The following XKR4 variants were observed in gnomAD, a reference collection of about 807,000 sequenced individuals.
The protein encoded by XKR4 is XK related 4, also known as XK-related protein 4.
Under a neutral mutation model 53.9 loss-of-function variants are expected in XKR4, and 12 were observed. That is an observed-to-expected ratio of 0.22 (90% CI 0.14 to 0.36). The LOEUF is 0.36. Ranked by LOEUF, XKR4 falls within the 10% of genes least tolerant of loss-of-function variation. The probability of loss-of-function intolerance (pLI) is 1.00; values close to 1 mark genes in which losing one functional copy is unlikely to be tolerated. For synonymous variants in XKR4, 354 were observed against 362.4 expected (o/e 0.98, Z 0.26); for missense variants, 799 against 859.5 (o/e 0.93, Z 0.88).
chr8:55,434,983 TAC>T (rs1221058926), intron 2 of XKR4, among the ~76,000 whole-genome samples: 2 of 151,946 alleles, frequency 1.3e-5, no homozygotes, highest in Non-Finnish European at 2.9e-5. Context: ...TGGAGTTCAC[TAC>T]ACACACACAA....
At chr8:55,268,611 T>A (rs1818644525) in intron 1 of XKR4, among the ~76,000 whole-genome samples, 1 of 152,140 alleles carries the variant, frequency 6.6e-6, no homozygotes, top group Admixed American at 6.5e-5. Context: ...ATATGTTCCT[T>A]CCCTTCAAAA....
At chr8:55,230,385 A>G (rs1307782905) in intron 1 of XKR4, among the ~76,000 whole-genome samples, 5 of 126,370 alleles carry the variant, frequency 4.0e-5, no homozygotes, top group African/African-American at 1.1e-4. Context: ...TTTTTGAGAC[A>G]GGGTTTCTCT....
At chr8:55,509,708 T>C (rs1423088843) in intron 2 of XKR4, among the ~76,000 whole-genome samples, 1 of 152,208 alleles carries the variant, frequency 6.6e-6, no homozygotes, top group African/African-American at 2.4e-5. Flanking sequence ...CTCCTGAACC[T>C]GGAAGCTGGC....
At chr8:55,116,149 T>G (rs1816303130) in intron 1 of XKR4, among the ~76,000 whole-genome samples, 1 of 152,170 alleles carries the variant, frequency 6.6e-6, no homozygotes, top group Admixed American at 6.5e-5. Flanking sequence ...ACAAAGTTTG[T>G]GTATGCTGGC....
At chr8:55,237,051 T>C (rs1818136048) in intron 1 of XKR4, among the ~76,000 whole-genome samples, 1 of 152,220 alleles carries the variant, frequency 6.6e-6, no homozygotes, top group South Asian at 2.1e-4. Flanking sequence ...GTTCAATTGT[T>C]CCTCTGATTT....
chr8:55,352,588 A>C (rs1803739561), intron 1 of XKR4, among the ~76,000 whole-genome samples: 1 of 152,254 alleles, frequency 6.6e-6, no homozygotes, highest in African/African-American at 2.4e-5. Context: ...AAAGTCAATC[A>C]ATAAATAGTA....
At chr8:55,453,163 A>C in intron 2 of XKR4, 1 of 509,844 alleles carries the variant, frequency 2.0e-6, no homozygotes. Flanking sequence ...GCTCCACACC[A>C]CGTGCTCCTG....
intron 2 of XKR4, among the ~76,000 whole-genome samples, chr8:55,484,035 T>A (rs1022819647): frequency 1.3e-5 from 2 of 151,654 alleles, no homozygotes; most frequent in African/African-American, 4.8e-5. Flanking sequence ...ATATCCAGAG[T>A]GAAGCAAGAG....
intron 1 of XKR4, among the ~76,000 whole-genome samples, chr8:55,278,276 G>A (rs1297439718): frequency 1.3e-5 from 2 of 149,852 alleles, no homozygotes; most frequent in African/African-American, 4.9e-5. Context: ...GACGGAGGTT[G>A]CAGTGAGCCA....
chr8:55,477,222 G>A (rs974666107), intron 2 of XKR4, among the ~76,000 whole-genome samples: 1 of 152,096 alleles, frequency 6.6e-6, no homozygotes, highest in Non-Finnish European at 1.5e-5. Context: ...AGCAGCATTT[G>A]CAGTTCACCA....
chr8:55,128,263 T>A (rs569591171), intron 1 of XKR4, among the ~76,000 whole-genome samples: 1 of 152,272 alleles, frequency 6.6e-6, no homozygotes, highest in East Asian at 1.9e-4. Context: ...AACCTGTTGT[T>A]TCCTGACTTT....
In XKR4 at chr8:55,512,309, AACTGCCTCAGGTGCC is replaced by A. The variant is rs753413675; in HGVS notation, c.1007-10960_1007-10946del. Among the ~76,000 whole-genome samples the A allele has an allele frequency of 1.3e-4, 20 of 152,296 alleles. No homozygotes were observed. The South Asian group carries it at 4.1e-3, about 32-fold the overall frequency. ...CTTGCCACGTGGCTGCCAAAGGTGCAACTGCCTCAGGTGCCACTGCCTCAGGATGATACCTGAGTC... is the reference window on the plus strand; with the variant it reads ...CTTGCCACGTGGCTGCCAAAGGTGCAACTGCCTCAGGATGATACCTGAGTC... On this transcript the variant is annotated intron_variant, in intron 2 of 2. Coordinates refer to ENST00000327381, the MANE Select transcript of XKR4 (RefSeq NM_052898.2).
chr8:55,522,049 A>C (rs1455348240), intron 2 of XKR4, among the ~76,000 whole-genome samples: 2 of 152,212 alleles, frequency 1.3e-5, no homozygotes, highest in African/African-American at 4.8e-5. Flanking sequence ...GCTGCGATGC[A>C]GATTGGCATA....
chr8:55,119,249 G>GTCTGGGAAGGGACTCCCAT (rs1816354421), intron 1 of XKR4, among the ~76,000 whole-genome samples: 2 of 152,126 alleles, frequency 1.3e-5, no homozygotes, highest in Non-Finnish European at 2.9e-5. Context: ...AGAGAATGTA[G>GTCTGGGAAGGGACTCCCAT]TCTGGGAAGG....
intron 2 of XKR4, among the ~76,000 whole-genome samples, chr8:55,484,404 G>A (rs1444661101): frequency 6.6e-6 from 1 of 152,090 alleles, no homozygotes; most frequent in African/African-American, 2.4e-5. Context: ...CATGAACATA[G>A]ATGCAAAAAC....
At chr8:55,175,685 A>T (rs1457763255) in intron 1 of XKR4, among the ~76,000 whole-genome samples, 4 of 152,252 alleles carry the variant, frequency 2.6e-5, no homozygotes, top group African/African-American at 9.6e-5. Flanking sequence ...GAGCACCGTC[A>T]GAATAAAAAT....
chr8:55,355,051 G>A (rs1253389192), intron 1 of XKR4, among the ~76,000 whole-genome samples: 1 of 151,914 alleles, frequency 6.6e-6, no homozygotes, highest in African/African-American at 2.4e-5. Flanking sequence ...TTACAGGCAT[G>A]TGCCACCACA....
intron 1 of XKR4, among the ~76,000 whole-genome samples, chr8:55,149,029 A>G (rs1322968606): frequency 6.6e-6 from 1 of 152,244 alleles, no homozygotes; most frequent in Non-Finnish European, 1.5e-5. Context: ...TGCTCAGGAA[A>G]CACATTTACT....
At chr8:55,149,291 T>C (rs1816810906) in intron 1 of XKR4, among the ~76,000 whole-genome samples, 1 of 152,212 alleles carries the variant, frequency 6.6e-6, no homozygotes, top group African/African-American at 2.4e-5. Context: ...ACTAGTTCTC[T>C]CTTTCAGTTG....
Sources: gnomAD v4.1 joint callset for allele counts (sites outside exome capture counted in the v4.1 genomes callset) on GRCh38, gnomAD v4.1.1 for gene constraint, MANE v1.5 for transcripts, NCBI Gene and HGNC (gene_info 2026-07-23, HGNC 2026-07-21) for gene names.